The following MAP4K3 variants were observed in gnomAD, a reference collection of about 807,000 sequenced individuals.
MAP4K3 encodes the protein mitogen-activated protein kinase kinase kinase kinase 3, also known as MAPK/ERK kinase kinase kinase 3.
In MAP4K3, 94 loss-of-function variants were observed where a neutral mutation model predicts 143.5. That is an observed-to-expected ratio of 0.65 (90% CI 0.55 to 0.78). The LOEUF (loss-of-function observed/expected upper bound fraction) is 0.78. Ranked by LOEUF, MAP4K3 falls within the 30% of genes least tolerant of loss-of-function variation. MAP4K3 has a pLI of 0.00. For missense variants in MAP4K3, 1,077 were observed against 1,068.1 expected (o/e 1.01, Z -0.12); for synonymous variants, 416 against 347.2 (o/e 1.20, Z -2.20).
At chr2:39,284,067 T>C (rs1681658477) in intron 21 of MAP4K3, among the ~76,000 whole-genome samples, 1 of 152,256 alleles carries the variant, frequency 6.6e-6, no homozygotes, top group African/African-American at 2.4e-5. Context: ...CTGATACCTT[T>C]TTATTCCATT....
intron 1 of MAP4K3, among the ~76,000 whole-genome samples, chr2:39,391,312 T>C (rs141956944): frequency 0.047 from 6,171 of 132,588 alleles, 138 homozygotes; most frequent in Middle Eastern, 0.14. Context: ...TGAGCCGAGA[T>C]TGTGCCACTG....
intron 3 of MAP4K3, among the ~76,000 whole-genome samples, chr2:39,346,784 A>G (rs1665305178): frequency 6.6e-6 from 1 of 152,194 alleles, no homozygotes; most frequent in Non-Finnish European, 1.5e-5. Flanking sequence ...ATTTTAAAAC[A>G]TGAAAGACAC....
intron 1 of MAP4K3, among the ~76,000 whole-genome samples, chr2:39,381,583 A>AT (rs148521086): frequency 0.11 from 16,422 of 151,904 alleles, 2,842 homozygotes; most frequent in African/African-American, 0.37. Context: ...TTTTCCTATG[A>AT]TTTTTTTTTC....
chr2:39,263,320 G>A (rs1461039862), intron 28 of MAP4K3, among the ~76,000 whole-genome samples: 5 of 147,466 alleles, frequency 3.4e-5, no homozygotes, highest in African/African-American at 1.3e-4. Flanking sequence ...TGGCCCAGGC[G>A]GGAGTGCAGT....
intron 28 of MAP4K3, among the ~76,000 whole-genome samples, chr2:39,264,369 T>C (rs761223653): frequency 3.9e-5 from 6 of 152,238 alleles, no homozygotes; most frequent in Non-Finnish European, 8.8e-5. Flanking sequence ...GAAACTATAT[T>C]TTCATCTGTT....
At chr2:39,267,036 T>C (rs1182317849) in intron 27 of MAP4K3, among the ~76,000 whole-genome samples, 153 bp downstream of exon 27, 3 of 152,192 alleles carry the variant, frequency 2.0e-5, no homozygotes, top group Non-Finnish European at 4.4e-5. Flanking sequence ...GTATTAGGCT[T>C]AGTCTACACA....
At position 39,383,989 on chromosome 2, in the gene MAP4K3, T is replaced by C. The variant is rs1666420426; in HGVS notation, c.97-5866A>G. Among the ~76,000 whole-genome samples, 4 of 151,734 alleles carry C rather than the reference T, an allele frequency of 2.6e-5. No homozygotes were observed. The South Asian group carries it at 8.3e-4, about 32-fold the overall frequency. Reference sequence around the variant, plus strand: ...GCTTGGTCTTGGTAGCATGTGCCTATAGTCCCAGTTACCCAAGAGGCTGAG... The same window carrying C: ...GCTTGGTCTTGGTAGCATGTGCCTACAGTCCCAGTTACCCAAGAGGCTGAG... On this transcript the variant is annotated intron_variant, in intron 1 of 33. Transcript: ENST00000263881.
chr2:39,315,544 C>A, intron 12 of MAP4K3, 156 bp from the exon 13 acceptor site: 2 of 543,852 alleles, frequency 3.7e-6, no homozygotes, highest in South Asian at 2.6e-5. Flanking sequence ...AAGCAAACCA[C>A]AATAGCAGCT....
rs1424650394 is a variant in MAP4K3 at position 39,431,164 on chromosome 2, T to G, written c.96+5728A>C. Among the ~76,000 whole-genome samples, 4 of 152,364 alleles carry G rather than the reference T, an allele frequency of 2.6e-5. No homozygotes were observed. In the South Asian group the frequency reaches 8.3e-4, roughly 32 times the overall value. On this transcript the variant is annotated intron_variant, in intron 1 of 33. Coordinates refer to ENST00000263881, the MANE Select transcript of MAP4K3 (RefSeq NM_003618.4). The stretch of plus-strand genomic sequence containing the variant: ...TTAAAAATTAAGTAAAGAGTCCAAC[T>G]GAATTTTTTGTGAAGCTAACAAAAC...
chr2:39,261,376 CA>C (rs966174436), intron 28 of MAP4K3, among the ~76,000 whole-genome samples: 12 of 151,030 alleles, frequency 7.9e-5, no homozygotes, highest in East Asian at 3.9e-4. Context: ...TTCTGAAGGA[CA>C]AAAAAAATAG....
chr2:39,335,845 G>A (rs1341918813), intron 6 of MAP4K3, among the ~76,000 whole-genome samples: 2 of 152,180 alleles, frequency 1.3e-5, no homozygotes, highest in African/African-American at 2.4e-5. Flanking sequence ...TTGAAGACAT[G>A]CGCATAAGGG....
chr2:39,255,995 G>T (rs563324483), intron 31 of MAP4K3, among the ~76,000 whole-genome samples: 1 of 151,946 alleles, frequency 6.6e-6, no homozygotes, highest in African/African-American at 2.4e-5. Flanking sequence ...AATCTTTTAT[G>T]TCTTAAAAAA....
chr2:39,355,093 G>A (rs187714363), intron 3 of MAP4K3, among the ~76,000 whole-genome samples: 10 of 152,190 alleles, frequency 6.6e-5, no homozygotes, highest in Admixed American at 2.6e-4. Flanking sequence ...GGCCAGGTGC[G>A]GAGGCTCACG....
intron 19 of MAP4K3, among the ~76,000 whole-genome samples, chr2:39,288,839 T>C (rs548857882): frequency 2.1e-4 from 32 of 152,178 alleles, no homozygotes; most frequent in Middle Eastern, 3.4e-3. Context: ...GATCACGAGG[T>C]CAGGAGATCG....
intron 28 of MAP4K3, among the ~76,000 whole-genome samples, chr2:39,263,087 A>G (rs185122825): frequency 0.012 from 1,837 of 152,022 alleles, 21 homozygotes; most frequent in Non-Finnish European, 0.018. Flanking sequence ...ACCAGACTCC[A>G]TCTCAAAAAA....
intron 1 of MAP4K3, among the ~76,000 whole-genome samples, chr2:39,381,258 G>A (rs1230091997): frequency 6.6e-6 from 1 of 152,134 alleles, no homozygotes; most frequent in African/African-American, 2.4e-5. Context: ...ACATTTTTGT[G>A]TGGACCTGTT....
chr2:39,260,708 G>T lies in MAP4K3; in HGVS notation c.2206C>A (p.Pro736Thr). ...CTACTGACACCAACACAAACTAAAG[G>T]GTACTCCTGTTCAGGAACTACCAGC... ...EMLVVPEQEYPLVCVGVSRGR... is the reference protein window; with the variant it reads ...EMLVVPEQEYTLVCVGVSRGR... The change falls in exon 29 of 34, where the codon CCT becomes ACT. Residue 736 changes from proline (P) to threonine (T), a missense_variant. Transcript: ENST00000263881. 1 of 1,613,584 alleles carries T rather than the reference G, an allele frequency of 6.2e-7. No homozygotes were observed. The highest frequency in any genetic ancestry group is 8.5e-7 in the Non-Finnish European group (1 of 1,179,640).
At chr2:39,339,708 C>T (rs1665087493) in intron 4 of MAP4K3, among the ~76,000 whole-genome samples, 2 of 152,128 alleles carry the variant, frequency 1.3e-5, no homozygotes, top group African/African-American at 4.8e-5. Flanking sequence ...ATGGAGGAAA[C>T]ATGCCTCCTC....
chr2:39,403,324 C>CACTGAAAGAGGCACTGAAGATG (rs1667002138), intron 1 of MAP4K3, among the ~76,000 whole-genome samples: 1 of 152,102 alleles, frequency 6.6e-6, no homozygotes, highest in South Asian at 2.1e-4. Flanking sequence ...AACTTCATAT[C>CACTGAAAGAGGCACTGAAGATG]ACTGAAAGAG....
Sources: allele counts gnomAD v4.1 joint callset (sites outside exome capture counted in the v4.1 genomes callset), GRCh38; gene constraint gnomAD v4.1.1; transcripts MANE v1.5; gene names NCBI Gene and HGNC (gene_info 2026-07-23, HGNC 2026-07-21).